GPHN: variants seen among roughly 807,000 people sequenced by gnomAD.
GPHN encodes the protein gephyrin.
Under a neutral mutation model 95.5 loss-of-function variants are expected in GPHN, and 17 were observed. The ratio of observed to expected loss-of-function variants is 0.18; its 90% CI spans 0.12 to 0.27. GPHN has a LOEUF of 0.27. Among genes scored for constraint, GPHN ranks in the 10% least tolerant of loss-of-function variants. The pLI, the probability that GPHN is intolerant of heterozygous loss-of-function variation, is 1.00. For missense variants in GPHN, 660 were observed against 978.1 expected, an observed-to-expected ratio of 0.67 and a Z score of 4.34; for synonymous variants, 320 against 322.5, an observed-to-expected ratio of 0.99 and a Z score of 0.08.
At chr14:67,599,601 T>C in the GPHN span, among the ~76,000 whole-genome samples, 1 of 152,192 alleles carries the variant, frequency 6.6e-6, no homozygotes, top group African/African-American at 2.4e-5. Context: ...TTTGTGGAAG[T>C]CTACGTAAAG....
chr14:67,580,172 C>T, the GPHN span: 2 of 296,136 alleles, frequency 6.8e-6, no homozygotes, highest in East Asian at 1.6e-4. Flanking sequence ...ACAGTGAGGC[C>T]CCACGAAGCC....
the GPHN span, among the ~76,000 whole-genome samples, chr14:67,366,309 C>T: frequency 5.2e-4 from 79 of 152,042 alleles, no homozygotes; most frequent in Middle Eastern, 3.2e-3. Context: ...TGGGCTCAAG[C>T]GATTCTCCTG....
chr14:66,705,217 G>A (rs113724463), intron 2 of GPHN, among the ~76,000 whole-genome samples: 1 of 152,248 alleles, frequency 6.6e-6, no homozygotes, highest in African/African-American at 2.4e-5. Context: ...TGAATTCACA[G>A]TGGAATTCTA....
intron 3 of GPHN, among the ~76,000 whole-genome samples, chr14:66,815,066 G>C (rs938588837): frequency 1.3e-5 from 2 of 152,252 alleles, no homozygotes; most frequent in South Asian, 2.1e-4. Context: ...GAATCTCAGA[G>C]CTTAAAGGCT....
chr14:67,633,507 A>T, the GPHN span, among the ~76,000 whole-genome samples: 1 of 152,164 alleles, frequency 6.6e-6, no homozygotes, highest in Non-Finnish European at 1.5e-5. Context: ...ACATATCCCA[A>T]ACTGACCTTA....
At chr14:66,846,647 G>C (rs902629111) in intron 4 of GPHN, among the ~76,000 whole-genome samples, 1 of 152,162 alleles carries the variant, frequency 6.6e-6, no homozygotes, top group South Asian at 2.1e-4. Context: ...GATGCTGGCA[G>C]TAACTTAAAT....
At position 66,632,881 on chromosome 14, in the gene GPHN, A is replaced by G. The variant is rs149907932; in HGVS notation, c.65-48226A>G. Among the ~76,000 whole-genome samples the G allele has an allele frequency of 5.9e-5, 9 of 152,266 alleles. No individual in the cohort carries two copies. In the East Asian group the frequency reaches 1.7e-3, roughly 29 times the overall value. ...ATGTATCTGCTAAGAAAGAACAACA[A>G]CAAAAAAGGAATTGTTCCTTATTGT... On this transcript the variant is annotated intron_variant, in intron 1 of 22. Coordinates refer to ENST00000478722, the MANE Select transcript of GPHN (RefSeq NM_020806.5).
chr14:67,141,318 T>A (rs925434928), intron 17 of GPHN, among the ~76,000 whole-genome samples: 1 of 152,216 alleles, frequency 6.6e-6, no homozygotes, highest in Non-Finnish European at 1.5e-5. Context: ...GCTCTGTGAA[T>A]GTATTTAAGT....
At chr14:66,791,990 T>C (rs189382651) in intron 3 of GPHN, among the ~76,000 whole-genome samples, 8 of 152,288 alleles carry the variant, frequency 5.3e-5, no homozygotes, top group Non-Finnish European at 8.8e-5. Flanking sequence ...AGAGAGCTTG[T>C]GCAGGGGAAC....
chr14:67,086,132 A>T (rs1251994161), intron 11 of GPHN, among the ~76,000 whole-genome samples: 1 of 152,144 alleles, frequency 6.6e-6, no homozygotes, highest in Non-Finnish European at 1.5e-5. Flanking sequence ...AGTTGCTTCC[A>T]CCATTGATTA....
At chr14:67,010,777 G>A (rs990221931) in intron 9 of GPHN, among the ~76,000 whole-genome samples, 1 of 152,030 alleles carries the variant, frequency 6.6e-6, no homozygotes, top group African/African-American at 2.4e-5. Flanking sequence ...GCAAGACACA[G>A]CAAAGCCACC....
rs554798206 is a variant in GPHN at position 66,691,305 on chromosome 14, C to T, written c.143+10120C>T. On this transcript the variant is annotated intron_variant, in intron 2 of 22. Coordinates refer to ENST00000478722, the MANE Select transcript of GPHN (RefSeq NM_020806.5). ...GTTCAAGCGATTCTCCTGCCTCAGC[C>T]TCCCGAGTAGCTGGGATTACAGGCA... is the stretch of plus-strand genomic sequence containing the variant. 3.3e-3 allele frequency among the ~76,000 whole-genome samples: 504 copies of T among 152,166 alleles called. 4 individuals carry two copies. The highest frequency in any genetic ancestry group is 0.014 in the Middle Eastern group (4 of 294).
At chr14:66,587,441 C>T (rs777894924) in intron 1 of GPHN, among the ~76,000 whole-genome samples, 9 of 152,096 alleles carry the variant, frequency 5.9e-5, no homozygotes, top group Non-Finnish European at 1.0e-4. Context: ...AAATTACCAG[C>T]CAATATTCCT....
At chr14:67,045,410 GTCTC>G (rs560657174) in intron 10 of GPHN, among the ~76,000 whole-genome samples, 3 of 150,680 alleles carry the variant, frequency 2.0e-5, no homozygotes, top group Non-Finnish European at 4.4e-5. Flanking sequence ...CTCTCTCTGT[GTCTC>G]TCTCTCTTGT....
At chr14:67,060,074 G>A (rs1594978811) in intron 11 of GPHN, among the ~76,000 whole-genome samples, 1 of 151,722 alleles carries the variant, frequency 6.6e-6, no homozygotes, top group Non-Finnish European at 1.5e-5. Context: ...TACTTTACCT[G>A]TTATAAAAAT....
the GPHN span, among the ~76,000 whole-genome samples, chr14:67,244,234 G>A: frequency 2.0e-5 from 3 of 152,182 alleles, no homozygotes; most frequent in African/African-American, 7.2e-5. Flanking sequence ...GAGCGCATGT[G>A]TGGACGCTTT....
the GPHN span, among the ~76,000 whole-genome samples, chr14:67,394,397 A>C: frequency 1.3e-5 from 2 of 152,054 alleles, no homozygotes; most frequent in Non-Finnish European, 2.9e-5. Flanking sequence ...CCCTGTCCCC[A>C]AAAAAGAAAA....
the GPHN span, among the ~76,000 whole-genome samples, chr14:67,685,489 C>A: frequency 1.2e-4 from 19 of 152,128 alleles, no homozygotes; most frequent in Non-Finnish European, 2.5e-4. Context: ...ACATCGTTGA[C>A]CACCCCCTTC....
the GPHN span, chr14:67,577,996 C>A: frequency 6.2e-7 from 1 of 1,603,968 alleles, no homozygotes; most frequent in Non-Finnish European, 8.5e-7. Flanking sequence ...TGCTGGTCTG[C>A]CTGTGCTCAC....
Sources: allele counts gnomAD v4.1 joint callset (sites outside exome capture counted in the v4.1 genomes callset), GRCh38; gene constraint gnomAD v4.1.1; transcripts MANE v1.5; gene names NCBI Gene and HGNC (gene_info 2026-07-23, HGNC 2026-07-21).